NIPSNAP3B: variants seen among roughly 807,000 people sequenced by gnomAD.
The protein encoded by NIPSNAP3B is protein NipSnap homolog 3B.
Under a neutral mutation model 31.5 loss-of-function variants are expected in NIPSNAP3B, and 30 were observed. That is an observed-to-expected ratio of 0.95 (90% CI 0.71 to 1.29). The LOEUF (loss-of-function observed/expected upper bound fraction) is 1.29. Among genes scored for constraint, NIPSNAP3B ranks in the 50% most tolerant of loss-of-function variants. The probability of loss-of-function intolerance (pLI) is 0.00; values close to 1 mark genes in which losing one functional copy is unlikely to be tolerated. For synonymous variants in NIPSNAP3B, 106 were observed against 107.9 expected (o/e 0.98, Z 0.11); for missense variants, 269 against 300.7 (o/e 0.89, Z 0.78).
intron 1 of NIPSNAP3B, among the ~76,000 whole-genome samples, chr9:104,764,873 C>T (rs1828058655): frequency 6.6e-6 from 1 of 152,140 alleles, no homozygotes; most frequent in Non-Finnish European, 1.5e-5. Context: ...AGCCTAAATG[C>T]CACAACTCCC....
At chr9:104,785,974 TTTG>T in the NIPSNAP3B span, among the ~76,000 whole-genome samples, 1 of 152,184 alleles carries the variant, frequency 6.6e-6, no homozygotes, top group Non-Finnish European at 1.5e-5. Context: ...CCCATTTGTG[TTTG>T]ACTCCAAAGC....
intron 4 of NIPSNAP3B, among the ~76,000 whole-genome samples, chr9:104,771,678 G>A (rs1198251866): frequency 6.6e-6 from 1 of 152,152 alleles, no homozygotes; most frequent in East Asian, 1.9e-4. Flanking sequence ...GAATAGTGCT[G>A]CAGTGAACAT....
chr9:104,767,378 C>G (rs1171409108), intron 2 of NIPSNAP3B, among the ~76,000 whole-genome samples: 1 of 152,092 alleles, frequency 6.6e-6, no homozygotes, highest in African/African-American at 2.4e-5. Flanking sequence ...GAACAAGTAA[C>G]AAGAATCCCC....
chr9:104,789,428 T>A, the NIPSNAP3B span, among the ~76,000 whole-genome samples: 1 of 152,230 alleles, frequency 6.6e-6, no homozygotes, highest in African/African-American at 2.4e-5. Context: ...TTCCTTTACA[T>A]TGCTACTGCA....
chr9:104,785,356 C>T, the NIPSNAP3B span: 2 of 1,612,550 alleles, frequency 1.2e-6, no homozygotes, highest in African/African-American at 1.3e-5. Flanking sequence ...CAGGAATCCA[C>T]ACCCTGAGAA....
chr9:104,786,047 C>T, the NIPSNAP3B span, among the ~76,000 whole-genome samples: 1 of 152,096 alleles, frequency 6.6e-6, no homozygotes, highest in Non-Finnish European at 1.5e-5. Context: ...TAGCACAAAG[C>T]TAGGAGGTAG....
intron 2 of NIPSNAP3B, among the ~76,000 whole-genome samples, chr9:104,767,736 TTTAA>T (rs1485557661): frequency 6.6e-6 from 1 of 152,164 alleles, no homozygotes; most frequent in Non-Finnish European, 1.5e-5. Context: ...GAGCCACAAG[TTTAA>T]TTGTGTCCCA....
At chr9:104,784,294 AC>A in the NIPSNAP3B span, 1 of 1,613,954 alleles carries the variant, frequency 6.2e-7, no homozygotes. Context: ...ACTTTCAGCC[AC>A]CCCGTATGAA....
chr9:104,770,751 C>T, intron 3 of NIPSNAP3B, 98 bp from the exon 4 acceptor site: 1 of 1,029,242 alleles, frequency 9.7e-7, no homozygotes. Flanking sequence ...GGATTATCCT[C>T]TAACTTCATT....
chr9:104,790,064 C>G, the NIPSNAP3B span, among the ~76,000 whole-genome samples: 2 of 151,322 alleles, frequency 1.3e-5, no homozygotes, highest in African/African-American at 4.9e-5. Context: ...CCATTGCTCT[C>G]CAGCCTGGGC....
In NIPSNAP3B at chr9:104,776,401, C is replaced by CG. The variant is rs924310553; in HGVS notation, c.*3328_*3329insG. 5.3e-5 allele frequency among the ~76,000 whole-genome samples: 8 copies of CG among 151,720 alleles called. No individual in the cohort carries two copies. The highest frequency in any genetic ancestry group is 1.2e-4 in the Non-Finnish European group (8 of 67,922). On this transcript the variant is annotated 3_prime_UTR_variant, in exon 6 of 6. Transcript: ENST00000374762. The stretch of plus-strand genomic sequence containing the variant: ...CTAGAGACTGAATGTTTTTGTCCCC[C>CG]CAAAATTCCTATGTTGAAGCCTTAA...
rs935094925 is a variant in NIPSNAP3B at position 104,777,337 on chromosome 9, T to A, written c.*4264T>A. On this transcript the variant is annotated 3_prime_UTR_variant, in exon 6 of 6. Transcript: ENST00000374762. Reference sequence around the variant, plus strand: ...TCTTCAAAGGAGGGTGAACCTGGAGTATGTTGGAAGAAGTGTTAGGTTCAT... The same window carrying A: ...TCTTCAAAGGAGGGTGAACCTGGAGAATGTTGGAAGAAGTGTTAGGTTCAT... 6.6e-6 allele frequency: 1 copy of A among 152,024 alleles called. No homozygotes were observed. Among genetic ancestry groups the A allele is most frequent in the East Asian group, 1.9e-4 (1 of 5,188 alleles). The allele number at this position is 152,024 out of a possible 1,614,324, so 9.4% of individuals were successfully genotyped here.
chr9:104,769,589 C>A (rs1274011597), intron 3 of NIPSNAP3B, among the ~76,000 whole-genome samples: 1 of 151,934 alleles, frequency 6.6e-6, no homozygotes, highest in Admixed American at 6.6e-5. Context: ...CTAACGGATG[C>A]CTAACAAAAG....
At chr9:104,788,622 A>G in the NIPSNAP3B span, 1 of 1,598,762 alleles carries the variant, frequency 6.3e-7, no homozygotes, top group African/African-American at 1.3e-5. Context: ...TACTCTGGTT[A>G]GACAATCTGG....
At position 104,775,191 on chromosome 9, in the gene NIPSNAP3B, C is replaced by CT. The variant is rs1049258695; in HGVS notation, c.*2121dup. On this transcript the variant is annotated 3_prime_UTR_variant, in exon 6 of 6. Coordinates refer to ENST00000374762, the MANE Select transcript of NIPSNAP3B (RefSeq NM_018376.4). Reference sequence around the variant, plus strand: ...ATATAAATATACTTTTTTTTCCTATCTTTAAAAAAAAAAAAGAGTAAAATC... The same window carrying CT: ...ATATAAATATACTTTTTTTTCCTATCTTTTAAAAAAAAAAAAGAGTAAAATC... Among the ~76,000 whole-genome samples the CT allele has an allele frequency of 1.1e-4, 17 of 149,096 alleles. No homozygotes were observed. The highest frequency in any genetic ancestry group is 7.8e-4 in the East Asian group (4 of 5,138).
At chr9:104,787,728 A>G in the NIPSNAP3B span, 2 of 580,776 alleles carry the variant, frequency 3.4e-6, no homozygotes, top group African/African-American at 4.1e-5. Context: ...ATTTGGGAGC[A>G]TCTGCAGGCA....
the NIPSNAP3B span, chr9:104,787,739 T>C: frequency 1.3e-6 from 1 of 746,278 alleles, no homozygotes; most frequent in Non-Finnish European, 1.6e-6. Flanking sequence ...TCTGCAGGCA[T>C]GGTACAGCCA....
downstream of NIPSNAP3B, among the ~76,000 whole-genome samples, chr9:104,777,805 T>C (rs1828367817): frequency 7.8e-6 from 1 of 127,732 alleles, no homozygotes; most frequent in South Asian, 2.8e-4. Context: ...AGCAAAAATA[T>C]AGATTTGCAT....
Position 104,773,193 on chromosome 9 carries a change from A to C in NIPSNAP3B, c.*120A>C. On this transcript the variant is annotated 3_prime_UTR_variant, in exon 6 of 6. Coordinates refer to ENST00000374762, the MANE Select transcript of NIPSNAP3B (RefSeq NM_018376.4). ...AAGGAGGTGGTAAGTTAATTAGTTAATTTGCTGTGCTTCTTGCATTTTTGA... is the reference window on the plus strand; with the variant it reads ...AAGGAGGTGGTAAGTTAATTAGTTACTTTGCTGTGCTTCTTGCATTTTTGA... 1 of 948,560 alleles carries C rather than the reference A, an allele frequency of 1.1e-6. No homozygotes were observed. Among genetic ancestry groups the C allele is most frequent in the South Asian group, 1.6e-5 (1 of 63,320 alleles). The allele number at this position is 948,560 out of a possible 1,614,324, so 58.8% of individuals were successfully genotyped here.
Sources: allele counts gnomAD v4.1 joint callset (sites outside exome capture counted in the v4.1 genomes callset), GRCh38; gene constraint gnomAD v4.1.1; transcripts MANE v1.5; gene names NCBI Gene and HGNC (gene_info 2026-07-23, HGNC 2026-07-21).